CPNE4: variants seen among roughly 807,000 people sequenced by gnomAD.
CPNE4 encodes copine-4.
CPNE4 carries 25 observed loss-of-function variants against 67.9 expected under a neutral mutation model. The ratio of observed to expected loss-of-function variants is 0.37; its 90% CI spans 0.27 to 0.51. The LOEUF is 0.51. CPNE4 is among the 20% of genes least tolerant of loss of function. CPNE4 has a pLI of 0.93. For synonymous variants in CPNE4, 242 were observed against 244.9 expected (o/e 0.99, Z 0.11); for missense variants, 464 against 690.8 (o/e 0.67, Z 3.68).
At chr3:131,568,270 G>T (rs776957983) in intron 10 of CPNE4, among the ~76,000 whole-genome samples, 1 of 152,150 alleles carries the variant, frequency 6.6e-6, no homozygotes, top group East Asian at 1.9e-4. Context: ...TCTATCTTCA[G>T]GGGGTGGTCT....
chr3:131,542,427 G>A, intron 15 of CPNE4, 130 bp downstream of exon 15: 1 of 733,936 alleles, frequency 1.4e-6, no homozygotes, highest in Non-Finnish European at 2.4e-6. Context: ...CACAGCAAGG[G>A]TATGTAGAGC....
At chr3:131,876,239 AAAATAAATAAATAAAT>A (rs60812638) in intron 2 of CPNE4, among the ~76,000 whole-genome samples, 72 of 139,788 alleles carry the variant, frequency 5.2e-4, no homozygotes, top group African/African-American at 1.1e-3. Flanking sequence ...ACTCGGTCTC[AAAATAAATAAATAAAT>A]AAATAAATAA....
chr3:131,870,959 G>T, intron 2 of CPNE4, among the ~76,000 whole-genome samples: 1 of 152,068 alleles, frequency 6.6e-6, no homozygotes, highest in East Asian at 1.9e-4. Context: ...TCCATGAAGA[G>T]GTCCTACTGA....
At chr3:131,620,003 G>A (rs912032141) in intron 7 of CPNE4, among the ~76,000 whole-genome samples, 5 of 152,112 alleles carry the variant, frequency 3.3e-5, no homozygotes, top group Non-Finnish European at 5.9e-5. Context: ...TTTTGTAAGC[G>A]TAAACCCCTG....
chr3:131,631,577 A>T (rs1032549717), intron 7 of CPNE4, among the ~76,000 whole-genome samples: 6 of 152,230 alleles, frequency 3.9e-5, no homozygotes, highest in African/African-American at 1.2e-4. Context: ...GTATTACCTT[A>T]TACGGAAAAC....
intron 3 of CPNE4, among the ~76,000 whole-genome samples, chr3:131,717,251 T>TC (rs1379105953): frequency 1.3e-5 from 2 of 152,122 alleles, no homozygotes; most frequent in African/African-American, 4.8e-5. Flanking sequence ...TTTTTTTTTT[T>TC]TTCTTAAAGA....
At chr3:132,032,545 T>G (rs2107704922) in intron 1 of CPNE4, among the ~76,000 whole-genome samples, 1 of 152,330 alleles carries the variant, frequency 6.6e-6, no homozygotes, top group Admixed American at 6.5e-5. Context: ...CATAAGAATC[T>G]TCCCATGAGA....
intron 1 of CPNE4, among the ~76,000 whole-genome samples, chr3:132,027,538 G>A (rs577710843): frequency 6.6e-6 from 1 of 151,924 alleles, no homozygotes; most frequent in South Asian, 2.1e-4. Flanking sequence ...TTCACAATCA[G>A]TCAAGTCACA....
chr3:132,010,525 C>T (rs2073732125), intron 1 of CPNE4, among the ~76,000 whole-genome samples: 1 of 152,132 alleles, frequency 6.6e-6, no homozygotes, highest in Admixed American at 6.5e-5. Flanking sequence ...CACAGGGCAC[C>T]TAATTGACAT....
At chr3:131,972,231 C>CA (rs1321098667) in intron 1 of CPNE4, among the ~76,000 whole-genome samples, 1 of 152,138 alleles carries the variant, frequency 6.6e-6, no homozygotes, top group African/African-American at 2.4e-5. Context: ...GGTTACACAT[C>CA]AACACTCCCT....
intron 7 of CPNE4, among the ~76,000 whole-genome samples, chr3:131,666,378 G>A (rs2080262008): frequency 6.6e-6 from 1 of 152,096 alleles, no homozygotes; most frequent in Admixed American, 6.6e-5. Flanking sequence ...GGAGAGGAAT[G>A]ATTTTGAGAG....
intron 1 of CPNE4, among the ~76,000 whole-genome samples, chr3:132,031,414 G>A (rs762969806): frequency 2.6e-5 from 4 of 152,074 alleles, no homozygotes; most frequent in South Asian, 4.1e-4. Context: ...CAAAGTGCAC[G>A]GAATACAGAT....
At chr3:131,824,012 A>G (rs2085058479) in intron 2 of CPNE4, among the ~76,000 whole-genome samples, 2 of 152,252 alleles carry the variant, frequency 1.3e-5, no homozygotes, top group Admixed American at 1.3e-4. Flanking sequence ...AGAGGGCAGA[A>G]TACAGAATCT....
At chr3:131,732,288 T>C (rs1454763147) in intron 2 of CPNE4, among the ~76,000 whole-genome samples, 4 of 152,214 alleles carry the variant, frequency 2.6e-5, no homozygotes, top group African/African-American at 9.6e-5. Flanking sequence ...TTTATTTGGA[T>C]GTTTTATCCA....
chr3:132,032,994 GTGTT>G (rs909617445), intron 1 of CPNE4, among the ~76,000 whole-genome samples: 6 of 152,196 alleles, frequency 3.9e-5, no homozygotes, highest in South Asian at 2.1e-4. Flanking sequence ...AGGACGGTGG[GTGTT>G]TGTTTTTTTG....
intron 6 of CPNE4, among the ~76,000 whole-genome samples, chr3:131,670,502 A>G (rs183633590): frequency 1.3e-5 from 2 of 152,330 alleles, no homozygotes; most frequent in East Asian, 1.9e-4. Flanking sequence ...AAATAATTCA[A>G]TTTGGTTCAG....
At chr3:131,967,161 T>C (rs187998911) in intron 1 of CPNE4, among the ~76,000 whole-genome samples, 1 of 152,240 alleles carries the variant, frequency 6.6e-6, no homozygotes. Flanking sequence ...AGGCCTTCAA[T>C]AAAATTCAAC....
chr3:131,623,858 A>T (rs545090455), intron 7 of CPNE4, among the ~76,000 whole-genome samples: 1 of 152,320 alleles, frequency 6.6e-6, no homozygotes, highest in South Asian at 2.1e-4. Flanking sequence ...CCTGTTTCCA[A>T]TGTTCTAAAT....
chr3:131,801,355 C>CATAT lies in CPNE4; in HGVS notation c.181-77734_181-77731dup, dbSNP rs756282116. ...ACCATACATATATATATATATGTAC[C>CATAT]ATATATATATATGTACCATATATAT... On this transcript the variant is annotated intron_variant, in intron 2 of 15. Coordinates refer to ENST00000429747, the MANE Select transcript of CPNE4 (RefSeq NM_130808.3). Among the ~76,000 whole-genome samples the CATAT allele has an allele frequency of 2.9e-4, 26 of 89,778 alleles. 1 individual carries two copies. Among genetic ancestry groups the CATAT allele is most frequent in the African/African-American group, 8.5e-4 (25 of 29,528 alleles). The allele number at this position is 89,778 out of a possible 152,430, so 58.9% of individuals were successfully genotyped here.
Sources: allele counts gnomAD v4.1 joint callset (sites outside exome capture counted in the v4.1 genomes callset), GRCh38; gene constraint gnomAD v4.1.1; transcripts MANE v1.5; gene names NCBI Gene and HGNC (gene_info 2026-07-23, HGNC 2026-07-21).